RBMS3: variants seen among roughly 807,000 people sequenced by gnomAD.
RBMS3 encodes the protein RNA binding motif single stranded interacting protein 3, also known as RNA-binding motif, single-stranded-interacting protein 3.
In RBMS3, 27 loss-of-function variants were observed where a neutral mutation model predicts 66.8. The ratio of observed to expected loss-of-function variants is 0.40; its 90% CI spans 0.30 to 0.56. RBMS3 has a LOEUF of 0.56. Ranked by LOEUF, RBMS3 falls within the 20% of genes least tolerant of loss-of-function variation. The probability of loss-of-function intolerance (pLI) is 0.40; values close to 1 mark genes in which losing one functional copy is unlikely to be tolerated. For missense variants in RBMS3, 513 were observed against 549.5 expected (o/e 0.93, Z 0.66); for synonymous variants, 188 against 183.0 (o/e 1.03, Z -0.22).
intron 6 of RBMS3, among the ~76,000 whole-genome samples, chr3:29,771,371 C>T (rs536715725): frequency 9.9e-5 from 15 of 152,114 alleles, no homozygotes; most frequent in Admixed American, 9.2e-4. Context: ...CTGCACCTTA[C>T]TGTTTCTTCC....
chr3:29,804,144 T>C (rs2057471825), intron 6 of RBMS3, among the ~76,000 whole-genome samples: 2 of 152,058 alleles, frequency 1.3e-5, no homozygotes, highest in African/African-American at 4.8e-5. Context: ...TAACTGCTGC[T>C]CTCAAAAAAA....
chr3:29,801,391 C>T (rs2057385717), intron 6 of RBMS3, among the ~76,000 whole-genome samples: 1 of 151,694 alleles, frequency 6.6e-6, no homozygotes. Flanking sequence ...CCTCAGCCTC[C>T]TGAGTAGCTA....
intron 1 of RBMS3, among the ~76,000 whole-genome samples, chr3:29,358,600 G>C (rs1282965953): frequency 6.6e-6 from 1 of 152,138 alleles, no homozygotes; most frequent in Non-Finnish European, 1.5e-5. Flanking sequence ...TTGGTAGCTT[G>C]ATGGGGATGG....
chr3:29,309,916 A>G (rs2034268880), intron 1 of RBMS3, among the ~76,000 whole-genome samples: 1 of 151,686 alleles, frequency 6.6e-6, no homozygotes, highest in Non-Finnish European at 1.5e-5. Context: ...AAAAAGTTTG[A>G]GATTTAAAAT....
intron 4 of RBMS3, among the ~76,000 whole-genome samples, chr3:29,615,429 T>A (rs1231445505): frequency 6.6e-6 from 1 of 151,918 alleles, no homozygotes. Flanking sequence ...TTCCAAAAAA[T>A]TTAATGAGAT....
chr3:29,915,168 A>AT (rs2060607968), intron 10 of RBMS3, among the ~76,000 whole-genome samples: 1 of 149,242 alleles, frequency 6.7e-6, no homozygotes, highest in Non-Finnish European at 1.5e-5. Flanking sequence ...AAAAAAAAAA[A>AT]TCCATTTCTT....
At chr3:29,741,227 C>G (rs17024316) in intron 5 of RBMS3, among the ~76,000 whole-genome samples, 69,187 of 151,874 alleles carry the variant, frequency 0.46, 15,947 homozygotes, top group South Asian at 0.55. Flanking sequence ...GAGACAAATG[C>G]AAGGTACATG....
At chr3:29,557,225 T>A (rs192766407) in intron 3 of RBMS3, among the ~76,000 whole-genome samples, 27 of 152,324 alleles carry the variant, frequency 1.8e-4, no homozygotes, top group African/African-American at 6.0e-4. Context: ...TTAAGCTGTG[T>A]AAATATACCC....
intron 2 of RBMS3, among the ~76,000 whole-genome samples, chr3:29,460,274 C>T (rs1054882864): frequency 1.3e-5 from 2 of 152,134 alleles, no homozygotes; most frequent in African/African-American, 4.8e-5. Flanking sequence ...GTAGTGATTT[C>T]AGTGCAGTGG....
In RBMS3 at chr3:29,542,654, C is replaced by A. The variant is rs371178015; in HGVS notation, c.308-44460C>A. ...GGGATTGCAGGTGTGAGCCACCACG[C>A]CCAGCCCATCCCCAATTTTTAAATG... On this transcript the variant is annotated intron_variant, in intron 3 of 14. Transcript: ENST00000383767. 4.1e-4 allele frequency among the ~76,000 whole-genome samples: 63 copies of A among 152,288 alleles called. No individual in the cohort carries two copies. In the South Asian group the frequency reaches 9.7e-3, roughly 24 times the overall value.
chr3:29,619,431 T>C (rs1346344408), intron 4 of RBMS3, among the ~76,000 whole-genome samples: 2 of 152,226 alleles, frequency 1.3e-5, no homozygotes, highest in Non-Finnish European at 2.9e-5. Flanking sequence ...TGTAAGCTTC[T>C]TTATGGTGAG....
At chr3:29,854,236 C>T (rs909327233) in intron 6 of RBMS3, among the ~76,000 whole-genome samples, 18 of 152,226 alleles carry the variant, frequency 1.2e-4, no homozygotes, top group Admixed American at 7.2e-4. Context: ...TCCACCCCAG[C>T]CACAGTGTGC....
At chr3:29,941,783 A>G (rs2061399441) in intron 11 of RBMS3, among the ~76,000 whole-genome samples, 1 of 151,888 alleles carries the variant, frequency 6.6e-6, no homozygotes, top group Non-Finnish European at 1.5e-5. Context: ...AACATGTACA[A>G]AAATTGTAAT....
At chr3:29,380,525 A>C (rs1236763120) in intron 1 of RBMS3, among the ~76,000 whole-genome samples, 1 of 152,206 alleles carries the variant, frequency 6.6e-6, no homozygotes, top group East Asian at 1.9e-4. Flanking sequence ...TGTTTTAACT[A>C]ATTTTAATTA....
intron 6 of RBMS3, among the ~76,000 whole-genome samples, chr3:29,832,869 G>A (rs1429848260): frequency 2.0e-5 from 3 of 152,094 alleles, no homozygotes; most frequent in African/African-American, 7.2e-5. Context: ...TGCACCTCAA[G>A]CCCCCTCCAA....
chr3:29,944,399 A>C (rs1279551961), intron 12 of RBMS3, 145 bp downstream of exon 12: 9 of 621,360 alleles, frequency 1.4e-5, no homozygotes, highest in African/African-American at 3.7e-5. Flanking sequence ...GGGCATGTGT[A>C]GTTCAGAAAC....
chr3:29,337,421 T>C (rs1381906616), intron 1 of RBMS3, among the ~76,000 whole-genome samples: 2 of 151,992 alleles, frequency 1.3e-5, no homozygotes, highest in Non-Finnish European at 2.9e-5. Context: ...GGAGGATTGC[T>C]TGAGGCCAGG....
chr3:29,524,113 C>A lies in RBMS3; in HGVS notation c.307+35614C>A, dbSNP rs2044979299. ...TTTTCCAATTCACTTACTTTGTATC[C>A]TTTTTTGTTACCCAGTTCTTTTTCC... On this transcript the variant is annotated intron_variant, in intron 3 of 14. Coordinates refer to ENST00000383767, the MANE Select transcript of RBMS3 (RefSeq NM_001003793.3). Among the ~76,000 whole-genome samples the A allele has an allele frequency of 2.0e-5, 3 of 152,152 alleles. No homozygotes were observed. In the South Asian group the frequency reaches 6.2e-4, roughly 32 times the overall value.
At chr3:29,707,989 C>T (rs984382628) in intron 4 of RBMS3, among the ~76,000 whole-genome samples, 1 of 152,196 alleles carries the variant, frequency 6.6e-6, no homozygotes, top group Admixed American at 6.5e-5. Context: ...TCAAGTGTGA[C>T]AGAGTCAAAC....
Sources: gnomAD v4.1 joint callset for allele counts (sites outside exome capture counted in the v4.1 genomes callset) on GRCh38, gnomAD v4.1.1 for gene constraint, MANE v1.5 for transcripts, NCBI Gene and HGNC (gene_info 2026-07-23, HGNC 2026-07-21) for gene names.